Variants in FBN3 observed in about 807,000 individuals in gnomAD.
The protein encoded by FBN3 is fibrillin 3, also known as fibrillin-3.
A neutral mutation model predicts 330.1 loss-of-function variants in FBN3; 234 were observed. That is an observed-to-expected ratio of 0.71 (90% CI 0.64 to 0.79). The LOEUF (loss-of-function observed/expected upper bound fraction) is 0.79. FBN3 is among the 30% of genes least tolerant of loss of function. The pLI, the probability that FBN3 is intolerant of heterozygous loss-of-function variation, is 0.00. For missense variants in FBN3, 3,606 were observed against 3,886.9 expected, an observed-to-expected ratio of 0.93 and a Z score of 1.92; for synonymous variants, 1,458 against 1,517.3, an observed-to-expected ratio of 0.96 and a Z score of 0.91.
At position 8,087,106 on chromosome 19, in the gene FBN3, G is replaced by A. The variant is rs1431808386; in HGVS notation, c.6725C>T (p.Pro2242Leu). The A allele has an allele frequency of 1.2e-6, 2 of 1,609,982 alleles. No individual in the cohort carries two copies. The highest frequency in any genetic ancestry group is 8.5e-7 in the Non-Finnish European group (1 of 1,179,428). Residue 2242 changes from proline (P) to leucine (L), a missense_variant, in exon 54 of 64, where the codon CCC (proline) becomes CTC (leucine). Transcript: ENST00000600128. Reference sequence around the variant, plus strand: ...GCAGCCCTCCCCAGAGCCAGGCAGGGGCCGCATGCCTGGGGGACAGACGCA... The same window carrying A: ...GCAGCCCTCCCCAGAGCCAGGCAGGAGCCGCATGCCTGGGGGACAGACGCA... ...FACVCPPGMRPLPGSGEGCTD... is the reference protein window; with the variant it reads ...FACVCPPGMRLLPGSGEGCTD...
At chr19:8,118,096 A>C (rs1403065073) in intron 26 of FBN3, among the ~76,000 whole-genome samples, 1 of 151,610 alleles carries the variant, frequency 6.6e-6, no homozygotes, top group East Asian at 1.9e-4. Flanking sequence ...CACACACATA[A>C]ACACACCCTC....
chr19:8,104,943 TTC>T (rs1390427510), intron 38 of FBN3, among the ~76,000 whole-genome samples: 1 of 151,828 alleles, frequency 6.6e-6, no homozygotes, highest in African/African-American at 2.4e-5. Context: ...TTCTCTCTCT[TTC>T]TCTCTCTTTC....
At chr19:8,134,183 A>G (rs1342907943) in intron 13 of FBN3, among the ~76,000 whole-genome samples, 2 of 152,048 alleles carry the variant, frequency 1.3e-5, no homozygotes, top group East Asian at 3.9e-4. Context: ...TGGAGGTTGC[A>G]GTGAGCCAGG....
At position 8,065,671 on chromosome 19, in the gene FBN3, T is replaced by G. The variant is rs139747190; in HGVS notation, c.*248A>C. 404 of 500,596 alleles carry G rather than the reference T, an allele frequency of 8.1e-4. 2 individuals are homozygous for G. Among genetic ancestry groups the G allele is most frequent in the African/African-American group, 6.9e-3 (351 of 51,240 alleles). The allele number at this position is 500,596 out of a possible 1,614,324, so 31.0% of individuals were successfully genotyped here. On this transcript the variant is annotated 3_prime_UTR_variant, in exon 64 of 64. Transcript: ENST00000600128. ...CAGGGCCTCTTCCTGACCTTGGCTG[T>G]GGGGGCAGGGGGATTGCACATTGCA...
At chr19:8,132,800 C>T (rs1279951002) in intron 14 of FBN3, among the ~76,000 whole-genome samples, 184 bp downstream of exon 14, 2 of 152,078 alleles carry the variant, frequency 1.3e-5, no homozygotes, top group African/African-American at 4.8e-5. Flanking sequence ...CTCTTCTTTT[C>T]TTCCTTTTCT....
In FBN3 at chr19:8,090,123, C is replaced by G; in HGVS notation, c.6160G>C (p.Glu2054Gln). ...RPGEGWGDPC[E>Q]LCPQEGSAAF... ...CCGCTGCCCTCCTGGGGACACAGTT[C>G]GCAGGGGTCTCCCCAGCCCTCCCCA... Residue 2054 changes from glutamate to glutamine, a missense_variant, in exon 49 of 64, where the codon GAA becomes CAA. Physicochemically the swap from Glu to Gln is conservative, Grantham distance 29 (BLOSUM62 2). Transcript: ENST00000600128. 6 of 1,613,874 alleles carry G rather than the reference C, an allele frequency of 3.7e-6. No individual in the cohort carries two copies. The highest frequency in any genetic ancestry group is 5.1e-6 in the Non-Finnish European group (6 of 1,179,952).
intron 57 of FBN3, 67 bp from the exon 58 acceptor site, chr19:8,081,547 T>G: frequency 6.7e-7 from 1 of 1,496,220 alleles, no homozygotes; most frequent in Non-Finnish European, 9.0e-7. Flanking sequence ...GTTCAGGGAC[T>G]GAGGTCTCCA....
chr19:8,126,220 G>C (rs576152432), intron 21 of FBN3, 77 bp downstream of exon 21: 2 of 1,486,562 alleles, frequency 1.3e-6, no homozygotes, highest in Non-Finnish European at 1.8e-6. Flanking sequence ...GCCGGAGGTG[G>C]CACCCATGAG....
intron 61 of FBN3, chr19:8,074,760 A>G: frequency 3.2e-6 from 1 of 315,776 alleles, no homozygotes; most frequent in South Asian, 6.6e-5. Flanking sequence ...CACTCGTGGC[A>G]GACATCACTA....
Position 8,138,331 on chromosome 19 carries a change from G to C in FBN3, c.1019-8C>G. 1 of 1,612,900 alleles carries C rather than the reference G, an allele frequency of 6.2e-7. No homozygotes were observed. Among genetic ancestry groups the C allele is most frequent in the Non-Finnish European group, 8.5e-7 (1 of 1,179,632 alleles). The stretch of plus-strand genomic sequence containing the variant: ...ACAGTTGCTGGAATTCATCTGCAAG[G>C]AAGCAGGGTTGAGGCCAGGCCCTTG... On this transcript the variant is annotated splice_region_variant and splice_polypyrimidine_tract_variant and intron_variant, in intron 9 of 63. Coordinates refer to ENST00000600128, the MANE Select transcript of FBN3 (RefSeq NM_032447.5).
chr19:8,076,518 A>C (rs965876413), intron 59 of FBN3, among the ~76,000 whole-genome samples: 4 of 152,122 alleles, frequency 2.6e-5, no homozygotes, highest in Non-Finnish European at 4.4e-5. Context: ...ACACGCCTGT[A>C]GTCCCAGCTA....
At chr19:8,145,690 A>G (rs938706890) in intron 5 of FBN3, among the ~76,000 whole-genome samples, 153 bp downstream of exon 5, 14 of 150,472 alleles carry the variant, frequency 9.3e-5, no homozygotes, top group Admixed American at 5.9e-4. Context: ...CAAAAAAAAA[A>G]AAAAAAAAAA....
chr19:8,124,022 A>C lies in FBN3; in HGVS notation c.2732-14T>G, dbSNP rs1055567643. ...CCAATCTCACATCTGCACGGGGGAC[A>C]GTCACTGCGTCCCCACCCCTGCCAC... On this transcript the variant is annotated splice_polypyrimidine_tract_variant and intron_variant, in intron 22 of 63. Coordinates refer to ENST00000600128, the MANE Select transcript of FBN3 (RefSeq NM_032447.5). 19 of 1,596,418 alleles carry C rather than the reference A, an allele frequency of 1.2e-5. No homozygotes were observed. The highest frequency in any genetic ancestry group is 1.5e-5 in the Non-Finnish European group (18 of 1,166,890).
At chr19:8,145,510 C>G (rs2083515507) in intron 5 of FBN3, among the ~76,000 whole-genome samples, 1 of 151,324 alleles carries the variant, frequency 6.6e-6, no homozygotes, top group Non-Finnish European at 1.5e-5. Flanking sequence ...GAAACCCCAT[C>G]TCTACTAAAA....
chr19:8,091,606 C>A lies in FBN3; in HGVS notation c.5906-16G>T. On this transcript the variant is annotated splice_polypyrimidine_tract_variant and intron_variant, in intron 47 of 63. Transcript: ENST00000600128. ...TCGTCGATATCTGGAAGGGCAGGGA[C>A]ATGAGCTGGGTGGGGGGCAAGTAGG... is the stretch of plus-strand genomic sequence containing the variant. 6.2e-7 allele frequency: 1 copy of A among 1,613,344 alleles called. No homozygotes were observed.
chr19:8,089,873 G>A, intron 50 of FBN3, 21 bp downstream of exon 50: 1 of 1,583,090 alleles, frequency 6.3e-7, no homozygotes, highest in Non-Finnish European at 8.6e-7. Context: ...GGGGCTCTTA[G>A]CATGTGGGTG....
Position 8,131,305 on chromosome 19 carries a change from A to G in FBN3, c.1991-17T>C. 1 of 1,611,336 alleles carries G rather than the reference A, an allele frequency of 6.2e-7. No individual in the cohort carries two copies. Among genetic ancestry groups the G allele is most frequent in the Non-Finnish European group, 8.5e-7 (1 of 1,179,304 alleles). ...GGAACTCAGCTGGGGATGGAGGGAC[A>G]GAGTGAGACGGGTCAGGGAGCTTAG... On this transcript the variant is annotated splice_polypyrimidine_tract_variant and intron_variant, in intron 15 of 63. Transcript: ENST00000600128. The surrounding 1 kb of genome is among the most constrained non-coding windows in gnomAD (Gnocchi z 4.5).
chr19:8,072,725 C>CACAT (rs1342619259), intron 62 of FBN3, among the ~76,000 whole-genome samples: 1 of 151,680 alleles, frequency 6.6e-6, no homozygotes, highest in African/African-American at 2.4e-5. Flanking sequence ...CGCGTGCACA[C>CACAT]ACACACACAC....
At chr19:8,132,957 C>T (rs755111763) in intron 14 of FBN3, 27 bp downstream of exon 14, 98 of 1,531,620 alleles carry the variant, frequency 6.4e-5, no homozygotes, top group Non-Finnish European at 7.6e-5. Flanking sequence ...TTCTCCCCTC[C>T]GCTGGCCAGT....
Sources: gnomAD v4.1 joint callset for allele counts (sites outside exome capture counted in the v4.1 genomes callset) on GRCh38, gnomAD v4.1.1 for gene constraint, Gnocchi (gnomAD v3.1) non-coding constraint, MANE v1.5 for transcripts, NCBI Gene and HGNC (gene_info 2026-07-23, HGNC 2026-07-21) for gene names.